Variants in ATRX observed in about 807,000 individuals in gnomAD.
ATRX encodes the protein ATRX chromatin remodeler, also known as chromatin remodeler ATRX.
ATRX carries 12 observed loss-of-function variants against 172.6 expected under a neutral mutation model. The ratio of observed to expected loss-of-function variants is 0.07; its 90% CI spans 0.04 to 0.11. The LOEUF (loss-of-function observed/expected upper bound fraction) is 0.11. Among genes scored for constraint, ATRX ranks in the 10% least tolerant of loss-of-function variants. The pLI is 1.00. For missense variants in ATRX, 1,368 were observed against 1,767.4 expected (o/e 0.77, Z 4.05); for synonymous variants, 674 against 594.7 (o/e 1.13, Z -1.94).
At chrX:77,538,226 CACAA>C (rs1376388613) in intron 30 of ATRX, among the ~76,000 whole-genome samples, 4 of 94,472 alleles carry the variant, frequency 4.2e-5, no homozygotes, top group East Asian at 3.4e-4. Context: ...TGTATACACA[CACAA>C]ACACACACAC....
chrX:77,701,107 G>A (rs1442597202), intron 2 of ATRX, among the ~76,000 whole-genome samples: 3 of 112,419 alleles, frequency 2.7e-5, no homozygotes, highest in Non-Finnish European at 3.8e-5. Context: ...ACTCTCTTAC[G>A]GAATGCTGAT....
intron 34 of ATRX, among the ~76,000 whole-genome samples, chrX:77,519,584 C>A (rs1251139085): frequency 9.0e-6 from 1 of 110,814 alleles, no homozygotes. Flanking sequence ...AACCAACCAA[C>A]CAAACAAAAA....
At chrX:77,548,902 T>C (rs1291204187) in intron 30 of ATRX, among the ~76,000 whole-genome samples, 1 of 112,163 alleles carries the variant, frequency 8.9e-6, no homozygotes, top group Non-Finnish European at 1.9e-5. Flanking sequence ...TAAATCCCCA[T>C]TTTGTTCTCC....
At chrX:77,766,505 G>GAT (rs2075947158) in intron 1 of ATRX, among the ~76,000 whole-genome samples, 1 of 107,599 alleles carries the variant, frequency 9.3e-6, no homozygotes, top group Non-Finnish European at 1.9e-5. Flanking sequence ...CTTCTCAGAC[G>GAT]GGGCGGCCAG....
intron 30 of ATRX, among the ~76,000 whole-genome samples, chrX:77,551,678 G>C (rs1298204745): frequency 8.9e-6 from 1 of 111,816 alleles, no homozygotes; most frequent in Non-Finnish European, 1.9e-5. Flanking sequence ...AGAGTGAATG[G>C]GCAACCTATA....
chrX:77,746,928 G>A (rs2075104847), intron 1 of ATRX, among the ~76,000 whole-genome samples: 1 of 110,538 alleles, frequency 9.0e-6, no homozygotes, highest in Non-Finnish European at 1.9e-5. Context: ...AGCCTCCTGA[G>A]TAGCTGAGAC....
chrX:77,682,608 T>C lies in ATRX; in HGVS notation c.2648A>G (p.Gln883Arg), dbSNP rs587778086. Residue 883 changes from glutamine (Q) to arginine (R), a missense_variant, in exon 9 of 35, where the codon CAA becomes CGA. This residue lies in a region of ATRX where 843 missense variants were observed against 643.1 expected (regional missense o/e 1.31). Transcript: ENST00000373344. Reference protein sequence around the residue: ...EGSSDDAERKQERETFSSAEG... With the variant: ...EGSSDDAERKRERETFSSAEG... ...TGCTGAAGAGAAAGTCTCTCTCTCT[T>C]GTTTTCTTTCAGCATCATCAGATGA... The C allele has an allele frequency of 1.6e-4, 189 of 1,208,866 alleles. 1 individual carries two copies. The South Asian group carries it at 2.9e-3, about 18-fold the overall frequency.
At chrX:77,656,521 G>C in intron 13 of ATRX, 39 bp downstream of exon 13, 1 of 1,066,733 alleles carries the variant, frequency 9.4e-7, no homozygotes, top group Non-Finnish European at 1.3e-6. Context: ...TGGTCATTCA[G>C]ATTAATTCCT....
At chrX:77,778,267 G>C (rs934148834) in intron 1 of ATRX, among the ~76,000 whole-genome samples, 8 of 110,614 alleles carry the variant, frequency 7.2e-5, no homozygotes, top group Admixed American at 9.7e-5. Context: ...TAGTAGCTGG[G>C]CATAGTGGCA....
intron 6 of ATRX, among the ~76,000 whole-genome samples, chrX:77,692,080 T>C (rs1042536965): frequency 3.6e-5 from 4 of 111,840 alleles, no homozygotes; most frequent in African/African-American, 1.3e-4. Flanking sequence ...AGTGGTTCTT[T>C]TATTCTTTCA....
chrX:77,750,854 C>T (rs1030590795), intron 1 of ATRX, among the ~76,000 whole-genome samples: 9 of 111,539 alleles, frequency 8.1e-5, no homozygotes, highest in African/African-American at 1.6e-4. Context: ...GCAAAAGACA[C>T]GAACTCAATC....
chrX:77,626,813 A>T (rs1388389918), intron 19 of ATRX, among the ~76,000 whole-genome samples: 1 of 112,684 alleles, frequency 8.9e-6, no homozygotes, highest in Non-Finnish European at 1.9e-5. Context: ...TATTTTGCTT[A>T]AGGATATGTA....
intron 27 of ATRX, among the ~76,000 whole-genome samples, chrX:77,578,015 G>A (rs1418010046): frequency 9.0e-6 from 1 of 111,655 alleles, no homozygotes. Flanking sequence ...ACGTGTCATA[G>A]GGAGAGAATC....
chrX:77,773,753 GA>G lies in ATRX; in HGVS notation c.20+12228del, dbSNP rs782545298. Among the ~76,000 whole-genome samples the G allele has an allele frequency of 3.2e-3, 309 of 97,592 alleles. 2 individuals are homozygous for G. Among genetic ancestry groups the G allele is most frequent in the African/African-American group, 0.01 (280 of 26,930 alleles). 84.7% of individuals were successfully genotyped at this position (97,592 alleles called of 115,157 possible). A position where few individuals can be genotyped will look rare whatever the true frequency, so the allele number is the denominator to read the frequency against. On this transcript the variant is annotated intron_variant, in intron 1 of 34. Transcript: ENST00000373344. Reference sequence around the variant, plus strand: ...GGCGACAGAGCAAGACTCTGTCTCAGAAAAAAAAAAACAAAGCAAAATCATT... The same window carrying G: ...GGCGACAGAGCAAGACTCTGTCTCAGAAAAAAAAAACAAAGCAAAATCATT...
intron 22 of ATRX, among the ~76,000 whole-genome samples, chrX:77,611,947 T>C (rs782037250): frequency 8.9e-6 from 1 of 112,219 alleles, no homozygotes; most frequent in South Asian, 3.7e-4. Context: ...TTTCTGATTA[T>C]GGAAGTTTTA....
intron 11 of ATRX, among the ~76,000 whole-genome samples, 169 bp downstream of exon 11, chrX:77,664,476 C>T (rs1420735764): frequency 1.8e-5 from 2 of 111,230 alleles, no homozygotes; most frequent in African/African-American, 6.5e-5. Context: ...GTCTCAAACT[C>T]TTAACCTCAA....
At chrX:77,581,565 G>T (rs1438999399) in intron 27 of ATRX, among the ~76,000 whole-genome samples, 1 of 111,495 alleles carries the variant, frequency 9.0e-6, no homozygotes, top group Non-Finnish European at 1.9e-5. Flanking sequence ...CATATACAAA[G>T]CAAATATTGT....
At chrX:77,594,019 A>G in intron 25 of ATRX, 170 bp from the exon 26 acceptor site, 1 of 446,422 alleles carries the variant, frequency 2.2e-6, no homozygotes. Flanking sequence ...ACAGCACAGA[A>G]GGACAGAGAC....
intron 22 of ATRX, among the ~76,000 whole-genome samples, chrX:77,607,589 G>A (rs374419261): frequency 7.0e-4 from 75 of 107,463 alleles, no homozygotes; most frequent in African/African-American, 1.4e-3. Flanking sequence ...TGGTGCACAC[G>A]TGTAATCCCA....
Sources: gnomAD v4.1 joint callset for allele counts (sites outside exome capture counted in the v4.1 genomes callset) on GRCh38, gnomAD v4.1.1 for gene constraint, gnomAD v4.1.1 regional missense constraint, MANE v1.5 for transcripts, NCBI Gene and HGNC (gene_info 2026-07-23, HGNC 2026-07-21) for gene names.